The following FGF13 variants were observed in gnomAD, a reference collection of about 807,000 sequenced individuals.
FGF13 encodes the protein fibroblast growth factor 13.
In FGF13, 2 loss-of-function variants were observed where a neutral mutation model predicts 19.5. That is an observed-to-expected ratio of 0.10 (90% confidence interval 0.04 to 0.32). The LOEUF is 0.32. Ranked by LOEUF, FGF13 falls within the 10% of genes least tolerant of loss-of-function variation. The pLI is 1.00. For missense variants in FGF13, 113 were observed against 192.7 expected, an observed-to-expected ratio of 0.59 and a Z score of 2.45; for synonymous variants, 72 against 76.9, an observed-to-expected ratio of 0.94 and a Z score of 0.33.
At chrX:138,984,588 A>AAGAAGAAGGAGGAGGAGG (rs2091982501) in intron 1 of FGF13, among the ~76,000 whole-genome samples, 1 of 11,507 alleles carries the variant, frequency 8.7e-5, no homozygotes, top group African/African-American at 2.8e-4. Context: ...GAAGAAGAAG[A>AAGAAGAAGGAGGAGGAGG]AGGAGGAGGA....
intron 1 of FGF13, among the ~76,000 whole-genome samples, chrX:138,876,825 A>T (rs777906963): frequency 8.9e-6 from 1 of 112,322 alleles, no homozygotes; most frequent in African/African-American, 3.2e-5. Flanking sequence ...TTTAAGATGG[A>T]TCTCTCTATG....
intron 3 of FGF13, among the ~76,000 whole-genome samples, chrX:138,658,795 A>C (rs1034075189): frequency 2.7e-5 from 3 of 111,736 alleles, no homozygotes; most frequent in Admixed American, 1.9e-4. Flanking sequence ...TTTACAAGTT[A>C]AGGGATGATA....
chrX:138,830,301 A>T (rs1201004259), intron 3 of FGF13, among the ~76,000 whole-genome samples: 1 of 111,865 alleles, frequency 8.9e-6, no homozygotes, highest in African/African-American at 3.3e-5. Context: ...CTTCTTAGAG[A>T]TTACTTAAGT....
At chrX:138,954,067 TG>T (rs1358724293) in intron 1 of FGF13, among the ~76,000 whole-genome samples, 1 of 100,442 alleles carries the variant, frequency 1.0e-5, no homozygotes, top group African/African-American at 3.6e-5. Context: ...CACCAAATAT[TG>T]GTGCATTTCA....
At chrX:139,072,387 CTGATGGCACCT>C (rs1488584455) in intron 1 of FGF13, among the ~76,000 whole-genome samples, 1 of 111,295 alleles carries the variant, frequency 9.0e-6, no homozygotes, top group African/African-American at 3.3e-5. Flanking sequence ...GACACCCTCT[CTGATGGCACCT>C]TGATCTTGGA....
intron 1 of FGF13, among the ~76,000 whole-genome samples, chrX:139,012,838 T>G (rs2092135250): frequency 8.9e-6 from 1 of 112,138 alleles, no homozygotes; most frequent in Non-Finnish European, 1.9e-5. Flanking sequence ...AAAACAAAGA[T>G]AAACAGATGG....
chrX:138,953,437 TGGAGGGG>T (rs2091824767), intron 1 of FGF13, among the ~76,000 whole-genome samples: 1 of 107,441 alleles, frequency 9.3e-6, no homozygotes, highest in African/African-American at 3.4e-5. Flanking sequence ...GTGGGGTGGG[TGGAGGGG>T]GGAGGGATAG....
At chrX:138,678,020 T>C (rs972165220) in intron 3 of FGF13, among the ~76,000 whole-genome samples, 3 of 112,172 alleles carry the variant, frequency 2.7e-5, no homozygotes, top group Non-Finnish European at 5.6e-5. Flanking sequence ...TGAGTTCATG[T>C]CCTTTGTAGG....
chrX:139,165,451 G>C (rs745554204), intron 1 of FGF13, among the ~76,000 whole-genome samples: 3 of 111,824 alleles, frequency 2.7e-5, no homozygotes, highest in Non-Finnish European at 5.6e-5. Context: ...TTGTTAAAGA[G>C]ATTGGTAGGG....
chrX:138,808,955 A>G (rs2090896927), intron 3 of FGF13, among the ~76,000 whole-genome samples: 1 of 111,878 alleles, frequency 8.9e-6, no homozygotes, highest in Admixed American at 9.5e-5. Context: ...AATAATTAAT[A>G]GCCTACCAAA....
At chrX:138,734,811 G>T (rs1323745552) in intron 1 of FGF13, among the ~76,000 whole-genome samples, 1 of 111,852 alleles carries the variant, frequency 8.9e-6, no homozygotes, top group African/African-American at 3.2e-5. Flanking sequence ...TTCCTGGAAG[G>T]CAGGGTCCAT....
chrX:138,653,158 G>A (rs1602658883), intron 3 of FGF13, among the ~76,000 whole-genome samples: 1 of 111,656 alleles, frequency 9.0e-6, no homozygotes, highest in Non-Finnish European at 1.9e-5. Flanking sequence ...ATCTCAGGCT[G>A]AGCACATACC....
intron 1 of FGF13, among the ~76,000 whole-genome samples, chrX:139,054,362 A>G (rs2092313496): frequency 9.1e-6 from 1 of 109,774 alleles, no homozygotes; most frequent in African/African-American, 3.3e-5. Flanking sequence ...TGACCTCGTG[A>G]TCCGCCCGCC....
At chrX:138,746,421 A>C (rs1387419321) in intron 3 of FGF13, among the ~76,000 whole-genome samples, 1 of 111,433 alleles carries the variant, frequency 9.0e-6, no homozygotes, top group African/African-American at 3.3e-5. Context: ...GTCTATAAAA[A>C]AAAAAATAGT....
At chrX:138,865,676 C>T (rs2091319397) in intron 1 of FGF13, among the ~76,000 whole-genome samples, 1 of 111,416 alleles carries the variant, frequency 9.0e-6, no homozygotes, top group Non-Finnish European at 1.9e-5. Flanking sequence ...GCCTCACCCA[C>T]CAAGGTGGTC....
intron 1 of FGF13, among the ~76,000 whole-genome samples, chrX:138,999,764 G>T (rs753464182): frequency 8.9e-6 from 1 of 111,961 alleles, no homozygotes; most frequent in Admixed American, 9.4e-5. Context: ...GGTAGAAAGA[G>T]GAGCTGGTAC....
At position 138,993,928 on chromosome X, in the gene FGF13, C is replaced by T. The variant is rs193143202; in HGVS notation, c.-112-129278G>A. 2.2e-3 allele frequency among the ~76,000 whole-genome samples: 251 copies of T among 111,664 alleles called. 2 individuals are homozygous for T. The highest frequency in any genetic ancestry group is 7.7e-3 in the African/African-American group (235 of 30,692). On this transcript the variant is annotated intron_variant, in intron 1 of 2. Transcript: ENST00000421460. ...TCTTTCCATCAATTTTATTATCATG[C>T]TAATTGATCCAACCTTTCCTCTTGG...
chrX:138,894,117 T>C (rs1017629816), intron 1 of FGF13, among the ~76,000 whole-genome samples: 2 of 110,045 alleles, frequency 1.8e-5, no homozygotes, highest in African/African-American at 6.7e-5. Flanking sequence ...ACTGTCTTTA[T>C]TAATCCAACT....
rs201322724 is a variant in FGF13 at position 139,053,220 on chromosome X, ATG to A, written c.-113+150194_-113+150195del. 6.1e-3 allele frequency among the ~76,000 whole-genome samples: 678 copies of A among 111,223 alleles called. 5 individuals are homozygous for A. The highest frequency in any genetic ancestry group is 0.02 in the African/African-American group (607 of 30,586). ...GAGTAGTATTCCATCATAGATAGAT[ATG>A]TGTGTGTGTATATATCATATATCAT... On this transcript the variant is annotated intron_variant, in intron 1 of 2. Transcript: ENST00000421460.
Sources: gnomAD v4.1 joint callset for allele counts (sites outside exome capture counted in the v4.1 genomes callset) on GRCh38, gnomAD v4.1.1 for gene constraint, MANE v1.5 for transcripts, NCBI Gene and HGNC (gene_info 2026-07-23, HGNC 2026-07-21) for gene names.